KIF13A: variants seen among roughly 807,000 people sequenced by gnomAD.
KIF13A encodes the protein kinesin-like protein KIF13A.
A neutral mutation model predicts 212.2 loss-of-function variants in KIF13A; 79 were observed. That is an observed-to-expected ratio of 0.37 (90% CI 0.31 to 0.45). The LOEUF is 0.45. Ranked by LOEUF, KIF13A falls within the 20% of genes least tolerant of loss-of-function variation. KIF13A has a pLI of 1.00. For missense variants in KIF13A, 1,901 were observed against 2,209.0 expected (o/e 0.86, Z 2.79); for synonymous variants, 789 against 808.6 (o/e 0.98, Z 0.41).
At chr6:17,983,670 G>A (rs1781302840) in intron 2 of KIF13A, among the ~76,000 whole-genome samples, 1 of 151,836 alleles carries the variant, frequency 6.6e-6, no homozygotes, top group Non-Finnish European at 1.5e-5. Flanking sequence ...ATATTTTTAG[G>A]AGAGACAGGG....
chr6:17,978,685 G>A (rs1177334841), intron 2 of KIF13A, among the ~76,000 whole-genome samples: 2 of 152,144 alleles, frequency 1.3e-5, no homozygotes, highest in African/African-American at 4.8e-5. Context: ...AACTTTAGTT[G>A]GATTAGTCCA....
chr6:17,859,789 C>T (rs1427646609), intron 4 of KIF13A, among the ~76,000 whole-genome samples: 2 of 151,566 alleles, frequency 1.3e-5, no homozygotes, highest in African/African-American at 4.8e-5. Context: ...GTATGCAACA[C>T]CAAGCCCGGC....
In KIF13A at chr6:17,873,281, C is replaced by T; in HGVS notation, c.220+96G>A. ...TTGGAAAGAACAGGTGTGAATTACACAGGGAAAGTAAAACTCCAGAGGAAT... is the reference window on the plus strand; with the variant it reads ...TTGGAAAGAACAGGTGTGAATTACATAGGGAAAGTAAAACTCCAGAGGAAT... On this transcript the variant is annotated intron_variant, in intron 4 of 38. Transcript: ENST00000259711. 4 of 801,966 alleles carry T rather than the reference C, an allele frequency of 5.0e-6. No homozygotes were observed. The South Asian group carries it at 6.8e-5, about 14-fold the overall frequency. The allele number at this position is 801,966 out of a possible 1,614,324, so 49.7% of individuals were successfully genotyped here.
At chr6:17,981,643 C>T (rs911660705) in intron 2 of KIF13A, among the ~76,000 whole-genome samples, 14 of 152,074 alleles carry the variant, frequency 9.2e-5, no homozygotes, top group African/African-American at 2.9e-4. Flanking sequence ...AGGATGATAT[C>T]GATCTCCTGA....
intron 2 of KIF13A, among the ~76,000 whole-genome samples, chr6:17,932,253 A>AC (rs1776047021): frequency 6.6e-6 from 1 of 152,332 alleles, no homozygotes; most frequent in Admixed American, 6.5e-5. Flanking sequence ...CACCAGGCTT[A>AC]TATTTTGAAA....
In KIF13A at chr6:17,968,423, C is replaced by T. The variant is rs1384498401; in HGVS notation, c.146+18631G>A. ...CTTCTCATGCTGACTCACAAGAATG[C>T]CCAACTACATCAGGTTGGTGTAGGG... is the stretch of plus-strand genomic sequence containing the variant. On this transcript the variant is annotated intron_variant, in intron 2 of 38. Transcript: ENST00000259711. The surrounding 1 kb of genome is among the most constrained non-coding windows in gnomAD (Gnocchi z 4.7). 1.3e-5 allele frequency among the ~76,000 whole-genome samples: 2 copies of T among 152,186 alleles called. No homozygotes were observed. The highest frequency in any genetic ancestry group is 6.5e-5 in the Admixed American group (1 of 15,280).
At chr6:17,815,547 G>A (rs750485083) in intron 17 of KIF13A, 10 of 387,428 alleles carry the variant, frequency 2.6e-5, no homozygotes, top group Non-Finnish European at 4.8e-5. Flanking sequence ...CTGTTTGGGA[G>A]TAACAGAGGG....
rs1469834384 is a variant in KIF13A at position 17,787,254 on chromosome 6, G to C, written c.3361+522C>G. On this transcript the variant is annotated intron_variant, in intron 27 of 38. Coordinates refer to ENST00000259711, the MANE Select transcript of KIF13A (RefSeq NM_022113.6). The surrounding 1 kb of genome is among the most constrained non-coding windows in gnomAD (Gnocchi z 4.6). ...GACATTTAATGTCACAGTTTTATGAGATAATTCTGAGTTTTATGAAAACTT... is the reference window on the plus strand; with the variant it reads ...GACATTTAATGTCACAGTTTTATGACATAATTCTGAGTTTTATGAAAACTT... 6.6e-6 allele frequency among the ~76,000 whole-genome samples: 1 copy of C among 152,220 alleles called. No homozygotes were observed. Among genetic ancestry groups the C allele is most frequent in the Non-Finnish European group, 1.5e-5 (1 of 68,034 alleles).
At chr6:17,884,217 A>C (rs1450680900) in intron 3 of KIF13A, among the ~76,000 whole-genome samples, 1 of 152,210 alleles carries the variant, frequency 6.6e-6, no homozygotes, top group African/African-American at 2.4e-5. Context: ...AAGTAACTGC[A>C]CATTTTACAT....
downstream of KIF13A, chr6:17,760,577 CA>C (rs11418580): frequency 4.4e-3 from 2,283 of 519,588 alleles, no homozygotes; most frequent in Middle Eastern, 6.7e-3. Context: ...GTAGTAAGTG[CA>C]AAAAAAAATA....
intron 2 of KIF13A, among the ~76,000 whole-genome samples, chr6:17,974,183 G>C (rs1300403422): frequency 1.3e-5 from 2 of 152,160 alleles, no homozygotes; most frequent in African/African-American, 4.8e-5. Context: ...CCGGGTTCAA[G>C]CGATTCTCCT....
At position 17,905,535 on chromosome 6, in the gene KIF13A, T is replaced by C. The variant is rs1036031486; in HGVS notation, c.147-7355A>G. On this transcript the variant is annotated intron_variant, in intron 2 of 38. Coordinates refer to ENST00000259711, the MANE Select transcript of KIF13A (RefSeq NM_022113.6). Reference sequence around the variant, plus strand: ...ATACAAAAATAAATTAGTCTTTTTGTCTTTCAAACAAGAAACTGATTTTTT... The same window carrying C: ...ATACAAAAATAAATTAGTCTTTTTGCCTTTCAAACAAGAAACTGATTTTTT... Among the ~76,000 whole-genome samples the C allele has an allele frequency of 1.7e-4, 26 of 152,340 alleles. 1 individual carries two copies. Among genetic ancestry groups the C allele is most frequent in the African/African-American group, 6.0e-4 (25 of 41,578 alleles).
chr6:17,804,220 G>C, intron 20 of KIF13A, 141 bp downstream of exon 20: 1 of 651,542 alleles, frequency 1.5e-6, no homozygotes, highest in Non-Finnish European at 2.4e-6. Flanking sequence ...TATTAGTAGA[G>C]AAAAAAGAAT....
chr6:17,860,762 A>C (rs1367849611), intron 4 of KIF13A, among the ~76,000 whole-genome samples: 1 of 152,150 alleles, frequency 6.6e-6, no homozygotes, highest in Non-Finnish European at 1.5e-5. Flanking sequence ...ACTTAAAAAT[A>C]AATGTTTAAT....
In KIF13A at chr6:17,855,236, T is replaced by C. The variant is rs1163184424; in HGVS notation, c.494+201A>G. ...AAAACATCTTTTCAAAGGGCATACA[T>C]AGGCAACTTTATACATTAATGTAGG... On this transcript the variant is annotated intron_variant, in intron 6 of 38. Coordinates refer to ENST00000259711, the MANE Select transcript of KIF13A (RefSeq NM_022113.6). This position sits in a 1 kb window ranked among gnomAD's most constrained non-coding sequence, Gnocchi z 4.1. Among the ~76,000 whole-genome samples, 1 of 152,218 alleles carries C rather than the reference T, an allele frequency of 6.6e-6. No individual in the cohort carries two copies. Among genetic ancestry groups the C allele is most frequent in the Non-Finnish European group, 1.5e-5 (1 of 68,038 alleles).
Position 17,836,901 on chromosome 6 carries a change from T to C in KIF13A, c.1132A>G (p.Arg378Gly), listed in dbSNP as rs1416065098. ...ACCTCTGCCTGAGAGAGCTGCTCTC[T>C]CAGTTTCTCGACTTCCTCCCGCAGT... ...RELREEVEKL[R>G]EQLSQAEAMK... Residue 378 changes from arginine (R) to glycine (G), a missense_variant, in exon 11 of 39, where the codon AGA (arginine) becomes GGA (glycine). Arg to Gly is a moderately radical substitution (Grantham distance 125). Around this residue, in one of 5 missense-constraint regions of KIF13A, gnomAD observed 506 missense variants for 637.4 expected, o/e 0.79. Transcript: ENST00000259711. 6.2e-7 allele frequency: 1 copy of C among 1,613,902 alleles called. No individual in the cohort carries two copies. The highest frequency in any genetic ancestry group is 8.5e-7 in the Non-Finnish European group (1 of 1,179,826).
chr6:17,854,887 C>A (rs185587369), intron 6 of KIF13A, among the ~76,000 whole-genome samples: 2 of 151,876 alleles, frequency 1.3e-5, no homozygotes, highest in East Asian at 3.9e-4. Flanking sequence ...TAAATGGCCC[C>A]CCTTCCTCTA....
intron 9 of KIF13A, among the ~76,000 whole-genome samples, chr6:17,848,706 C>G (rs1767335971): frequency 6.6e-6 from 1 of 151,572 alleles, no homozygotes; most frequent in African/African-American, 2.4e-5. Flanking sequence ...GCTGGGATTA[C>G]AGACGTGTGC....
At position 17,820,356 on chromosome 6, in the gene KIF13A, G is replaced by A. The variant is rs545678578; in HGVS notation, c.1787-3123C>T. Among the ~76,000 whole-genome samples, 31 of 152,290 alleles carry A rather than the reference G, an allele frequency of 2.0e-4. No individual in the cohort carries two copies. The East Asian group carries it at 5.8e-3, about 28-fold the overall frequency. ...CACACACAGCTACGGTGGAGGTCTA[G>A]GGGCTGGGGTTTTGTTTCGCCTCTG... is the stretch of plus-strand genomic sequence containing the variant. On this transcript the variant is annotated intron_variant, in intron 16 of 38. Coordinates refer to ENST00000259711, the MANE Select transcript of KIF13A (RefSeq NM_022113.6).
Sources: allele counts gnomAD v4.1 joint callset (sites outside exome capture counted in the v4.1 genomes callset), GRCh38; gene constraint gnomAD v4.1.1; regional missense constraint gnomAD v4.1.1; non-coding constraint Gnocchi (gnomAD v3.1); transcripts MANE v1.5; gene names NCBI Gene and HGNC (gene_info 2026-07-23, HGNC 2026-07-21).